ZMIZ1: variants seen among roughly 807,000 people sequenced by gnomAD.
The protein encoded by ZMIZ1 is zinc finger MIZ domain-containing protein 1.
Under a neutral mutation model 113.9 loss-of-function variants are expected in ZMIZ1, and 17 were observed. The ratio of observed to expected loss-of-function variants is 0.15; its 90% CI spans 0.10 to 0.22. The LOEUF is 0.22. Ranked by LOEUF, ZMIZ1 falls within the 10% of genes least tolerant of loss-of-function variation. The pLI is 1.00. For synonymous variants in ZMIZ1, 607 were observed against 603.1 expected, an observed-to-expected ratio of 1.01 and a Z score of -0.09; for missense variants, 1,059 against 1,477.8, an observed-to-expected ratio of 0.72 and a Z score of 4.65.
chr10:79,073,982 A>G (rs550434847), intron 1 of ZMIZ1, among the ~76,000 whole-genome samples: 3 of 152,326 alleles, frequency 2.0e-5, no homozygotes, highest in Admixed American at 6.5e-5. Context: ...AGATCAGTCC[A>G]AATAAATAAT....
intron 3 of ZMIZ1, among the ~76,000 whole-genome samples, chr10:79,154,153 A>G (rs1335534867): frequency 2.0e-5 from 3 of 152,128 alleles, no homozygotes; most frequent in African/African-American, 7.2e-5. Context: ...CTTGTGGGCC[A>G]ATATTGGACC....
At chr10:79,180,744 GA>G (rs912708336) in intron 4 of ZMIZ1, among the ~76,000 whole-genome samples, 7 of 152,322 alleles carry the variant, frequency 4.6e-5, no homozygotes, top group Admixed American at 3.3e-4. Context: ...GCTCAGGGGG[GA>G]TAAAGTGCCC....
At chr10:79,237,474 G>GCGC (rs1849639062) in intron 7 of ZMIZ1, among the ~76,000 whole-genome samples, 1 of 152,208 alleles carries the variant, frequency 6.6e-6, no homozygotes, top group Non-Finnish European at 1.5e-5. Context: ...AAGCCCAGAG[G>GCGC]AAGGTGTCAG....
chr10:79,127,327 C>T (rs1844561564), intron 2 of ZMIZ1, among the ~76,000 whole-genome samples: 1 of 152,180 alleles, frequency 6.6e-6, no homozygotes, highest in Non-Finnish European at 1.5e-5. Flanking sequence ...TCATGCCTCT[C>T]CTATCAGCAG....
At chr10:79,144,496 ACCTGG>A (rs1845405172) in intron 3 of ZMIZ1, among the ~76,000 whole-genome samples, 1 of 152,000 alleles carries the variant, frequency 6.6e-6, no homozygotes, top group Admixed American at 6.5e-5. Flanking sequence ...CCAGAAGCTC[ACCTGG>A]CCTGTTTGTG....
Position 79,292,141 on chromosome 10 carries a change from C to T in ZMIZ1, c.759-17C>T. 1 of 1,597,898 alleles carries T rather than the reference C, an allele frequency of 6.3e-7. No individual in the cohort carries two copies. The highest frequency in any genetic ancestry group is 8.6e-7 in the Non-Finnish European group (1 of 1,169,338). ...ATGCAGGCAGTACCTAACTCTTCCACCCTTCTCCCCCTGCAGTTACCCTGG... is the reference window on the plus strand; with the variant it reads ...ATGCAGGCAGTACCTAACTCTTCCATCCTTCTCCCCCTGCAGTTACCCTGG... On this transcript the variant is annotated splice_polypyrimidine_tract_variant and intron_variant, in intron 10 of 24. Coordinates refer to ENST00000334512, the MANE Select transcript of ZMIZ1 (RefSeq NM_020338.4).
At chr10:79,282,061 G>T (rs552851360) in intron 8 of ZMIZ1, among the ~76,000 whole-genome samples, 1 of 152,174 alleles carries the variant, frequency 6.6e-6, no homozygotes, top group Admixed American at 6.5e-5. Context: ...TTAGGCAATT[G>T]AAAGTTACAC....
chr10:79,153,394 A>G (rs1845781672), intron 3 of ZMIZ1, among the ~76,000 whole-genome samples: 1 of 152,248 alleles, frequency 6.6e-6, no homozygotes, highest in Admixed American at 6.5e-5. Flanking sequence ...GATGGGAGGC[A>G]CTTGCCTAGG....
At chr10:79,083,591 G>A (rs998456946) in intron 1 of ZMIZ1, among the ~76,000 whole-genome samples, 2 of 152,226 alleles carry the variant, frequency 1.3e-5, no homozygotes, top group Non-Finnish European at 2.9e-5. Context: ...TAAGATCTCT[G>A]GCTGATGAGC....
At chr10:79,160,246 A>G (rs1846057342) in intron 3 of ZMIZ1, among the ~76,000 whole-genome samples, 1 of 152,132 alleles carries the variant, frequency 6.6e-6, no homozygotes, top group Admixed American at 6.5e-5. Context: ...AACTGTTTGT[A>G]TTTCCAAGGT....
intron 4 of ZMIZ1, among the ~76,000 whole-genome samples, chr10:79,183,188 G>A (rs7917173): frequency 0.053 from 8,101 of 152,340 alleles, 289 homozygotes; most frequent in East Asian, 0.15. Context: ...GGGAGCCAAG[G>A]CTGGTGGGGA....
intron 4 of ZMIZ1, among the ~76,000 whole-genome samples, chr10:79,198,755 C>T (rs1847943916): frequency 6.6e-6 from 1 of 152,206 alleles, no homozygotes; most frequent in South Asian, 2.1e-4. Context: ...AATTTGGAGC[C>T]GGGCGCAGTC....
intron 2 of ZMIZ1, among the ~76,000 whole-genome samples, chr10:79,130,527 C>T (rs936424717): frequency 1.3e-5 from 2 of 152,180 alleles, no homozygotes; most frequent in East Asian, 1.9e-4. Context: ...TGCGGTTGCC[C>T]AGTGGATCTC....
chr10:79,207,114 C>T (rs1024077189), intron 5 of ZMIZ1, among the ~76,000 whole-genome samples: 7 of 152,334 alleles, frequency 4.6e-5, no homozygotes, highest in African/African-American at 1.7e-4. Context: ...TCCCGTAGCT[C>T]CCCTGCCAAT....
intron 2 of ZMIZ1, among the ~76,000 whole-genome samples, chr10:79,119,887 T>A (rs1844211734): frequency 6.6e-6 from 1 of 152,188 alleles, no homozygotes; most frequent in Non-Finnish European, 1.5e-5. Flanking sequence ...TTCGTTTTCC[T>A]AAGCTTGTAT....
At chr10:79,161,576 T>C (rs1846116427) in intron 3 of ZMIZ1, among the ~76,000 whole-genome samples, 1 of 152,212 alleles carries the variant, frequency 6.6e-6, no homozygotes, top group Non-Finnish European at 1.5e-5. Flanking sequence ...AGAGGCCACC[T>C]GGGACCTTGA....
chr10:79,076,141 C>G (rs758184769), intron 1 of ZMIZ1, among the ~76,000 whole-genome samples: 18 of 152,206 alleles, frequency 1.2e-4, no homozygotes, highest in Non-Finnish European at 2.4e-4. Flanking sequence ...CTTTCCTTTC[C>G]TAGCCCAGGA....
chr10:79,208,029 T>C (rs982276479), intron 5 of ZMIZ1, among the ~76,000 whole-genome samples: 5 of 149,112 alleles, frequency 3.4e-5, no homozygotes, highest in African/African-American at 1.2e-4. Context: ...ATGGGGCTAC[T>C]AATCCACTGG....
chr10:79,125,393 G>A (rs1429869859), intron 2 of ZMIZ1, among the ~76,000 whole-genome samples: 1 of 152,214 alleles, frequency 6.6e-6, no homozygotes, highest in Non-Finnish European at 1.5e-5. Flanking sequence ...CCCAAGAGAG[G>A]TAGGTCTGGG....
Sources: allele counts gnomAD v4.1 joint callset (sites outside exome capture counted in the v4.1 genomes callset), GRCh38; gene constraint gnomAD v4.1.1; transcripts MANE v1.5; gene names NCBI Gene and HGNC (gene_info 2026-07-23, HGNC 2026-07-21).